The following CDC16 variants were observed in gnomAD, a reference collection of about 807,000 sequenced individuals.
The protein encoded by CDC16 is cell division cycle protein 16 homolog.
In CDC16, 34 loss-of-function variants were observed where a neutral mutation model predicts 87.0. That is an observed-to-expected ratio of 0.39 (90% CI 0.30 to 0.52). The LOEUF is 0.52. Among genes scored for constraint, CDC16 ranks in the 20% least tolerant of loss-of-function variants. The pLI is 0.74. For missense variants in CDC16, 653 were observed against 751.9 expected (o/e 0.87, Z 1.54); for synonymous variants, 263 against 260.6 (o/e 1.01, Z -0.09).
rs545430890 is a variant in CDC16, at chr13:114,253,643, C to T, written c.1097+2969C>T. 1.7e-3 allele frequency among the ~76,000 whole-genome samples: 256 copies of T among 150,330 alleles called. 2 individuals are homozygous for T. Among genetic ancestry groups the T allele is most frequent in the African/African-American group, 5.8e-3 (236 of 40,708 alleles). ...GGCAGAGGTTCCAATGAGCTGAGAT[C>T]GCACCACTGCACTCCAGCCTGGGCG... On this transcript the variant is annotated intron_variant, in intron 12 of 17. Coordinates refer to ENST00000356221, the MANE Select transcript of CDC16 (RefSeq NM_001078645.3).
At chr13:114,247,419 C>T (rs1043968300) in intron 11 of CDC16, among the ~76,000 whole-genome samples, 20 of 151,300 alleles carry the variant, frequency 1.3e-4, no homozygotes, top group Middle Eastern at 3.4e-3. Flanking sequence ...CCTCTTGCTT[C>T]GGCCTCCGAA....
intron 5 of CDC16, among the ~76,000 whole-genome samples, chr13:114,240,036 A>G (rs1359170452): frequency 6.6e-6 from 1 of 152,100 alleles, no homozygotes. Flanking sequence ...AAACTTATTG[A>G]GGTATAATTT....
intron 3 of CDC16, 67 bp from the exon 4 acceptor site, chr13:114,238,923 G>T: frequency 1.9e-6 from 3 of 1,538,676 alleles, no homozygotes; most frequent in Non-Finnish European, 2.6e-6. Flanking sequence ...TATGCTTATG[G>T]CTTTCTTTGA....
chr13:114,263,048 G>A, intron 16 of CDC16, 34 bp downstream of exon 16: 2 of 1,587,390 alleles, frequency 1.3e-6, no homozygotes, highest in Non-Finnish European at 1.7e-6. Context: ...TTTTAAATCT[G>A]GTTAACATTG....
intron 17 of CDC16, among the ~76,000 whole-genome samples, chr13:114,265,571 TGAA>T (rs1246754152): frequency 2.0e-5 from 3 of 152,260 alleles, no homozygotes; most frequent in Admixed American, 6.5e-5. Context: ...GATAAACAAT[TGAA>T]GAGGCTCTGT....
chr13:114,271,933 G>T (rs1486560071), intron 17 of CDC16, among the ~76,000 whole-genome samples: 2 of 152,134 alleles, frequency 1.3e-5, no homozygotes, highest in Non-Finnish European at 2.9e-5. Flanking sequence ...CTTTGCAAAT[G>T]GTGGAAAACA....
At chr13:114,238,341 C>T (rs1455741621) in intron 3 of CDC16, among the ~76,000 whole-genome samples, 2 of 142,718 alleles carry the variant, frequency 1.4e-5, no homozygotes, top group Non-Finnish European at 3.0e-5. Context: ...GGAGCTGCTG[C>T]GATCTCCTCG....
chr13:114,268,769 C>T (rs918492232), intron 17 of CDC16, among the ~76,000 whole-genome samples: 3 of 152,144 alleles, frequency 2.0e-5, no homozygotes, highest in African/African-American at 4.8e-5. Flanking sequence ...GCAGCGATCA[C>T]GCCACTGCAC....
chr13:114,265,773 G>T (rs1253901618), intron 17 of CDC16, among the ~76,000 whole-genome samples: 1 of 152,114 alleles, frequency 6.6e-6, no homozygotes, highest in African/African-American at 2.4e-5. Context: ...TGAGATCTAG[G>T]ATAGGAAAGT....
At chr13:114,255,460 C>T (rs2082437408) in intron 12 of CDC16, among the ~76,000 whole-genome samples, 1 of 151,982 alleles carries the variant, frequency 6.6e-6, no homozygotes, top group Admixed American at 6.6e-5. Context: ...ATTGAGTATC[C>T]CTAATCTGAA....
Position 114,243,983 on chromosome 13 carries a change from C to G in CDC16, c.761C>G (p.Thr254Ser). 1 of 1,607,652 alleles carries G rather than the reference C, an allele frequency of 6.2e-7. No homozygotes were observed. The highest frequency in any genetic ancestry group is 1.1e-5 in the South Asian group (1 of 90,698). Residue 254 changes from threonine (T) to serine (S), a missense_variant, in exon 8 of 18, where the codon ACT becomes AGT. Physicochemically the swap from Thr to Ser is moderately conservative, Grantham distance 58 (BLOSUM62 1). Coordinates refer to ENST00000356221, the MANE Select transcript of CDC16 (RefSeq NM_001078645.3). ...GATTTTAAAATGTGCTACAAGCTTA[C>G]TTCTGTGTAAGTATATCCATCCATT... is the stretch of plus-strand genomic sequence containing the variant. Reference protein sequence around the residue: ...NCDFKMCYKLTSVVMEKDPFH... With the variant: ...NCDFKMCYKLSSVVMEKDPFH...
rs1389699274 is a variant in CDC16, at chr13:114,240,356, C to T, written c.381+866C>T. Reference sequence around the variant, plus strand: ...TCCCGAGTAGCTGGGACTACAGGCGCCCGCCACCATGCCCGGCTAATTTTT... The same window carrying T: ...TCCCGAGTAGCTGGGACTACAGGCGTCCGCCACCATGCCCGGCTAATTTTT... On this transcript the variant is annotated intron_variant, in intron 5 of 17. Coordinates refer to ENST00000356221, the MANE Select transcript of CDC16 (RefSeq NM_001078645.3). Among the ~76,000 whole-genome samples the T allele has an allele frequency of 2.0e-5, 3 of 152,030 alleles. No individual in the cohort carries two copies. In the East Asian group the frequency reaches 5.8e-4, roughly 29 times the overall value.
intron 12 of CDC16, among the ~76,000 whole-genome samples, chr13:114,254,208 A>C (rs1308844394): frequency 6.6e-6 from 1 of 152,170 alleles, no homozygotes; most frequent in Non-Finnish European, 1.5e-5. Flanking sequence ...TCTTGTTGAC[A>C]ACATACAGTT....
chr13:114,265,315 A>G (rs2083133702), intron 17 of CDC16, 75 bp downstream of exon 17: 2 of 941,966 alleles, frequency 2.1e-6, no homozygotes, highest in Non-Finnish European at 3.5e-6. Flanking sequence ...TATGTTTCTC[A>G]TATTCTCGTC....
chr13:114,254,585 GTTATTA>G (rs1394828022), intron 12 of CDC16, among the ~76,000 whole-genome samples: 1 of 152,106 alleles, frequency 6.6e-6, no homozygotes, highest in Admixed American at 6.6e-5. Context: ...GCACAGATCT[GTTATTA>G]TTATTTATTC....
At chr13:114,250,263 T>C (rs1459339006) in intron 11 of CDC16, among the ~76,000 whole-genome samples, 1 of 152,062 alleles carries the variant, frequency 6.6e-6, no homozygotes, top group Non-Finnish European at 1.5e-5. Flanking sequence ...GAGGCCAAGG[T>C]GGGTGGAGCA....
intron 14 of CDC16, 129 bp from the exon 15 acceptor site, chr13:114,261,758 C>A: frequency 3.4e-6 from 2 of 582,132 alleles, no homozygotes; most frequent in Non-Finnish European, 6.2e-6. Flanking sequence ...GTTACCCTGG[C>A]CTTGTGGTGT....
Position 114,263,136 on chromosome 13 carries a change from G to T in CDC16, c.1512+122G>T, listed in dbSNP as rs1435561015. ...TAATATTCTTTAGGCAACCTTACGT[G>T]TTATTCTTTTCTTTGCAGAGAAAAG... On this transcript the variant is annotated intron_variant, in intron 16 of 17. Coordinates refer to ENST00000356221, the MANE Select transcript of CDC16 (RefSeq NM_001078645.3). 7 of 811,830 alleles carry T rather than the reference G, an allele frequency of 8.6e-6. No homozygotes were observed. The African/African-American group carries it at 1.2e-4, about 14-fold the overall frequency. The allele number at this position is 811,830 out of a possible 1,614,324, so 50.3% of individuals were successfully genotyped here.
At chr13:114,268,617 CG>C (rs1473388701) in intron 17 of CDC16, among the ~76,000 whole-genome samples, 1 of 152,106 alleles carries the variant, frequency 6.6e-6, no homozygotes, top group Non-Finnish European at 1.5e-5. Flanking sequence ...GTCTTTAGAC[CG>C]TATTCTGCCT....
Sources: gnomAD v4.1 joint callset for allele counts (sites outside exome capture counted in the v4.1 genomes callset) on GRCh38, gnomAD v4.1.1 for gene constraint, MANE v1.5 for transcripts, NCBI Gene and HGNC (gene_info 2026-07-23, HGNC 2026-07-21) for gene names.